The following IQSEC1 variants were observed in gnomAD, a reference collection of about 807,000 sequenced individuals.
IQSEC1 encodes IQ motif and Sec7 domain ArfGEF 1.
In IQSEC1, 31 loss-of-function variants were observed where a neutral mutation model predicts 91.0. The ratio of observed to expected loss-of-function variants is 0.34; its 90% confidence interval spans 0.26 to 0.46. The LOEUF (loss-of-function observed/expected upper bound fraction) is 0.46. Among genes scored for constraint, IQSEC1 ranks in the 20% least tolerant of loss-of-function variants. The pLI, the probability that IQSEC1 is intolerant of heterozygous loss-of-function variation, is 1.00. For synonymous variants in IQSEC1, 699 were observed against 662.6 expected, an observed-to-expected ratio of 1.05 and a Z score of -0.84; for missense variants, 1,388 against 1,575.6, an observed-to-expected ratio of 0.88 and a Z score of 2.02.
chr3:12,991,795 G>A (rs1179436648), intron 1 of IQSEC1, among the ~76,000 whole-genome samples: 2 of 152,182 alleles, frequency 1.3e-5, no homozygotes, highest in African/African-American at 4.8e-5. Flanking sequence ...TTCTGGTGTG[G>A]CCTCAGCACT....
At chr3:12,980,121 G>T (rs1701380894) in intron 1 of IQSEC1, among the ~76,000 whole-genome samples, 1 of 152,194 alleles carries the variant, frequency 6.6e-6, no homozygotes, top group East Asian at 1.9e-4. Context: ...CAGGGCAGGT[G>T]TAAGGGGCTG....
Position 12,900,272 on chromosome 3 carries a change from T to A in IQSEC1, c.*711A>T, listed in dbSNP as rs1255672148. The A allele has an allele frequency of 1.0e-6, 1 of 984,894 alleles. No homozygotes were observed. Among genetic ancestry groups the A allele is most frequent in the Non-Finnish European group, 1.2e-6 (1 of 829,628 alleles). 61.0% of individuals were successfully genotyped at this position (984,894 alleles called of 1,614,324 possible). On this transcript the variant is annotated 3_prime_UTR_variant, in exon 14 of 14. Coordinates refer to ENST00000613206, the MANE Select transcript of IQSEC1 (RefSeq NM_001134382.3). ...GATTTTAGCCAGTCCTAGAGGGACT[T>A]CTTTGTATGAAAATATGAAGTATCT...
chr3:13,217,645 T>C (rs1694575987), intron 1 of IQSEC1, among the ~76,000 whole-genome samples: 1 of 152,198 alleles, frequency 6.6e-6, no homozygotes, highest in Admixed American at 6.5e-5. Context: ...CTAGGCCCCA[T>C]CTCCAGTTTT....
At position 12,900,160 on chromosome 3, in the gene IQSEC1, A is replaced by AAAAT; in HGVS notation, c.*819_*822dup. ...CTATTTATGATAGTATTCTGTTAAT[A>AAAAT]AAATAAGGATTTATACAAAGCAATA... On this transcript the variant is annotated 3_prime_UTR_variant, in exon 14 of 14. Coordinates refer to ENST00000613206, the MANE Select transcript of IQSEC1 (RefSeq NM_001134382.3). The AAAAT allele has an allele frequency of 1.0e-6, 1 of 971,592 alleles. No individual in the cohort carries two copies. The highest frequency in any genetic ancestry group is 1.2e-6 in the Non-Finnish European group (1 of 817,402). The allele number at this position is 971,592 out of a possible 1,614,324, so 60.2% of individuals were successfully genotyped here.
At chr3:13,242,074 C>G (rs1286165192) in intron 1 of IQSEC1, among the ~76,000 whole-genome samples, 2 of 152,224 alleles carry the variant, frequency 1.3e-5, no homozygotes, top group African/African-American at 4.8e-5. Flanking sequence ...AAACCACCCA[C>G]ACAGGGCAAA....
At chr3:13,155,047 A>G (rs537943621) in intron 2 of IQSEC1, among the ~76,000 whole-genome samples, 4 of 152,340 alleles carry the variant, frequency 2.6e-5, no homozygotes, top group East Asian at 3.9e-4. Flanking sequence ...TCTTAAATCA[A>G]CAAAATAACT....
chr3:13,014,145 C>T (rs965833687), intron 1 of IQSEC1, among the ~76,000 whole-genome samples: 8 of 152,214 alleles, frequency 5.3e-5, no homozygotes, highest in Admixed American at 1.3e-4. Flanking sequence ...AACCTGACCT[C>T]TTGGGGTCCT....
intron 13 of IQSEC1, 115 bp downstream of exon 13, chr3:12,902,658 C>CA (rs63063761): frequency 4.3e-3 from 1,146 of 267,462 alleles, no homozygotes; most frequent in East Asian, 0.014. Flanking sequence ...AAAAAAACAA[C>CA]AAAAAAAAAA....
At position 13,210,269 on chromosome 3, in the gene IQSEC1, C is replaced by A. The variant is rs972511643; in HGVS notation, c.273-46136G>T. On this transcript the variant is annotated intron_variant, in intron 1 of 15. Coordinates refer to the IQSEC1 transcript ENST00000648114. The stretch of plus-strand genomic sequence containing the variant: ...GGGGGACCCAGTGAGGTAGAATGAA[C>A]GCCAAGTGCCCGGGACAGGGTAGGT... Among the ~76,000 whole-genome samples, 5 of 151,956 alleles carry A rather than the reference C, an allele frequency of 3.3e-5. No individual in the cohort carries two copies. The South Asian group carries it at 8.3e-4, about 25-fold the overall frequency.
chr3:13,142,533 C>T (rs1343400294), intron 2 of IQSEC1, among the ~76,000 whole-genome samples: 1 of 152,234 alleles, frequency 6.6e-6, no homozygotes, highest in Non-Finnish European at 1.5e-5. Context: ...CTCCCTGCTG[C>T]CCAGCTCCCT....
intron 1 of IQSEC1, among the ~76,000 whole-genome samples, chr3:13,050,457 G>C (rs1003795779): frequency 6.6e-6 from 1 of 152,166 alleles, no homozygotes; most frequent in Non-Finnish European, 1.5e-5. Context: ...AAATGAGATA[G>C]TGCCCATAAA....
At chr3:13,076,867 T>C (rs1160702086), upstream of IQSEC1, among the ~76,000 whole-genome samples, 1 of 152,174 alleles carries the variant, frequency 6.6e-6, no homozygotes, top group Non-Finnish European at 1.5e-5. Flanking sequence ...CTAAATCTTA[T>C]TCCCCGTTCC....
rs116836890 is a variant in IQSEC1, at chr3:12,930,220, T to A, written c.1568+5228A>T. The stretch of plus-strand genomic sequence containing the variant: ...TTAAGACCCAGGTCTCACTATGTTG[T>A]CTAGACTGGCCTCAAACTCCTAGTT... On this transcript the variant is annotated intron_variant, in intron 3 of 13. Coordinates refer to ENST00000613206, the MANE Select transcript of IQSEC1 (RefSeq NM_001134382.3). 2.8e-3 allele frequency among the ~76,000 whole-genome samples: 425 copies of A among 152,290 alleles called. 2 individuals carry two copies. The highest frequency in any genetic ancestry group is 9.3e-3 in the African/African-American group (387 of 41,560).
At chr3:13,072,883 C>G in intron 1 of IQSEC1, 109 bp downstream of exon 1, 1 of 985,472 alleles carries the variant, frequency 1.0e-6, no homozygotes, top group Non-Finnish European at 1.6e-6. Context: ...TGCAAGTCAC[C>G]TGCACATCCA....
chr3:12,952,706 C>T (rs1699636450), intron 1 of IQSEC1, among the ~76,000 whole-genome samples: 1 of 152,214 alleles, frequency 6.6e-6, no homozygotes, highest in Non-Finnish European at 1.5e-5. Flanking sequence ...TCCGCTCTGG[C>T]ACGCTCTCAC....
Position 13,227,401 on chromosome 3 carries a change from G to A in IQSEC1, c.272+55310C>T, listed in dbSNP as rs1164657627. 8.7e-3 allele frequency among the ~76,000 whole-genome samples: 1,169 copies of A among 134,138 alleles called. 9 individuals carry two copies. The highest frequency in any genetic ancestry group is 0.02 in the Middle Eastern group (5 of 250). The allele number at this position is 134,138 out of a possible 152,430, so 88.0% of individuals were successfully genotyped here. A position where few individuals can be genotyped will look rare whatever the true frequency, so the allele number is the denominator to read the frequency against. On this transcript the variant is annotated intron_variant, in intron 1 of 15. Coordinates refer to the IQSEC1 transcript ENST00000648114. ...AAAAAAAAAAAAAAAAAAAAAGAAA[G>A]AAAGAAAAGAAAACGAAAAAAGAAA...
intron 2 of IQSEC1, among the ~76,000 whole-genome samples, chr3:13,127,474 T>C (rs972659360): frequency 2.0e-5 from 3 of 152,292 alleles, no homozygotes; most frequent in Middle Eastern, 6.8e-3. Context: ...CTCTATTCCA[T>C]TGATTCATGT....
chr3:13,186,672 G>A (rs1433094626), intron 1 of IQSEC1, among the ~76,000 whole-genome samples: 2 of 152,172 alleles, frequency 1.3e-5, no homozygotes, highest in East Asian at 1.9e-4. Context: ...TTCAGGGTGA[G>A]TCCTTGGGTG....
rs1295474724 is a variant in IQSEC1 at position 13,268,413 on chromosome 3, GA to G, written c.272+14297del. Among the ~76,000 whole-genome samples, 6 of 152,218 alleles carry G rather than the reference GA, an allele frequency of 3.9e-5. No homozygotes were observed. The East Asian group carries it at 1.2e-3, about 29-fold the overall frequency. On this transcript the variant is annotated intron_variant, in intron 1 of 15. Transcript: ENST00000648114. ...ACTTACTTCAGCCCATCTCATAGAA[GA>G]GACCCTTATTGCCAGGGAAGCTGCT...
Sources: gnomAD v4.1 joint callset for allele counts (sites outside exome capture counted in the v4.1 genomes callset) on GRCh38, gnomAD v4.1.1 for gene constraint, MANE v1.5 for transcripts, NCBI Gene and HGNC (gene_info 2026-07-23, HGNC 2026-07-21) for gene names.